The following PRAG1 variants were observed in gnomAD, a reference collection of about 807,000 sequenced individuals.
PRAG1 encodes the protein inactive tyrosine-protein kinase PRAG1.
PRAG1 carries 110 observed loss-of-function variants against 95.6 expected under a neutral mutation model. That is an observed-to-expected ratio of 1.15 (90% CI 0.99 to 1.35). PRAG1 has a LOEUF of 1.35. Among genes scored for constraint, PRAG1 ranks in the 40% most tolerant of loss-of-function variants. The pLI, the probability that PRAG1 is intolerant of heterozygous loss-of-function variation, is 0.00. For synonymous variants in PRAG1, 1,052 were observed against 819.4 expected (o/e 1.28, Z -4.85); for missense variants, 2,554 against 1,864.7 (o/e 1.37, Z -6.81).
chr8:8,347,712 G>A (rs192572005), intron 3 of PRAG1, among the ~76,000 whole-genome samples: 1 of 152,274 alleles, frequency 6.6e-6, no homozygotes, highest in East Asian at 1.9e-4. Context: ...AGGTGTTGGG[G>A]ATACAATGGT....
chr8:8,353,927 G>C (rs1211326012), intron 3 of PRAG1, among the ~76,000 whole-genome samples: 1 of 150,852 alleles, frequency 6.6e-6, no homozygotes, highest in Admixed American at 6.6e-5. Flanking sequence ...AAATAATAAA[G>C]ATTAGAACAA....
At chr8:8,327,642 G>A (rs1798672794) in intron 5 of PRAG1, 68 bp downstream of exon 5, 1 of 1,524,644 alleles carries the variant, frequency 6.6e-7, no homozygotes, top group East Asian at 2.3e-5. Flanking sequence ...ACTTGCTCAG[G>A]CCACAGTTCT....
intron 1 of PRAG1, among the ~76,000 whole-genome samples, chr8:8,383,884 AG>A (rs1800763706): frequency 6.6e-6 from 1 of 152,068 alleles, no homozygotes; most frequent in East Asian, 1.9e-4. Flanking sequence ...AAGTTTTGGG[AG>A]GGGGAAAAAG....
chr8:8,328,383 G>T lies in PRAG1; in HGVS notation c.2399C>A (p.Ser800Tyr). 6.2e-7 allele frequency: 1 copy of T among 1,613,728 alleles called. No individual in the cohort carries two copies. Among genetic ancestry groups the T allele is most frequent in the Non-Finnish European group, 8.5e-7 (1 of 1,179,970 alleles). Residue 800 changes from serine to tyrosine, a missense_variant, in exon 5 of 6, where the codon TCC becomes TAC. Coordinates refer to ENST00000615670, the MANE Select transcript of PRAG1 (RefSeq NM_001080826.3). Reference sequence around the variant, plus strand: ...GCCACTGGGGGACACGTCCTCAGTGGAGCCTGAAGGAAACGGAACGGGAGC... The same window carrying T: ...GCCACTGGGGGACACGTCCTCAGTGTAGCCTGAAGGAAACGGAACGGGAGC... ...LFAPVPFPSGSTEDVSPSGPQ... is the reference protein window; with the variant it reads ...LFAPVPFPSGYTEDVSPSGPQ...
chr8:8,364,923 TG>T (rs1466961936), intron 3 of PRAG1, among the ~76,000 whole-genome samples: 1 of 152,166 alleles, frequency 6.6e-6, no homozygotes, highest in East Asian at 1.9e-4. Context: ...TGAGAGTGTT[TG>T]GGATCAAGGG....
intron 3 of PRAG1, among the ~76,000 whole-genome samples, chr8:8,362,988 G>A (rs1338986301): frequency 1.3e-5 from 2 of 151,544 alleles, no homozygotes; most frequent in African/African-American, 4.8e-5. Context: ...GACATGCCTG[G>A]GCATGCTGAG....
chr8:8,355,513 C>T (rs1220848263), intron 3 of PRAG1, among the ~76,000 whole-genome samples: 4 of 151,928 alleles, frequency 2.6e-5, no homozygotes, highest in South Asian at 2.1e-4. Context: ...TCATACGTCC[C>T]GATTTTAAAT....
At chr8:8,331,316 T>C (rs983154451) in intron 4 of PRAG1, among the ~76,000 whole-genome samples, 1 of 152,200 alleles carries the variant, frequency 6.6e-6, no homozygotes, top group Non-Finnish European at 1.5e-5. Context: ...GCCACCAGTA[T>C]GCCCCTTTCT....
intron 3 of PRAG1, among the ~76,000 whole-genome samples, chr8:8,342,004 G>A (rs771939691): frequency 1.1e-4 from 17 of 151,850 alleles, no homozygotes; most frequent in South Asian, 4.1e-4. Context: ...AGTGGCCTGC[G>A]CCTGTAATCC....
chr8:8,373,676 G>T (rs2945851), intron 3 of PRAG1, among the ~76,000 whole-genome samples: 1 of 151,860 alleles, frequency 6.6e-6, no homozygotes, highest in Admixed American at 6.5e-5. Context: ...TGGTCTCAAA[G>T]TCCTGGGCTC....
At chr8:8,383,583 A>G (rs927768431) in intron 1 of PRAG1, among the ~76,000 whole-genome samples, 19 of 152,138 alleles carry the variant, frequency 1.2e-4, no homozygotes, top group African/African-American at 4.6e-4. Flanking sequence ...CCCTGTCTAA[A>G]AAAACAAAAA....
intron 3 of PRAG1, among the ~76,000 whole-genome samples, chr8:8,347,019 A>T (rs1799365798): frequency 6.6e-6 from 1 of 152,264 alleles, no homozygotes; most frequent in Admixed American, 6.5e-5. Flanking sequence ...GTTTTAGAGC[A>T]TCAAATAAAT....
In PRAG1 at chr8:8,378,043, G is replaced by A. The variant is rs774695121; in HGVS notation, c.366C>T (p.Leu122=). 6.4e-7 allele frequency: 1 copy of A among 1,555,020 alleles called. No homozygotes were observed. The highest frequency in any genetic ancestry group is 1.9e-5 in the Admixed American group (1 of 52,488). The part of the protein sequence containing the change: ...IWRRAPGKLP[L]PKQEDAPVVY... Reference sequence around the variant, plus strand: ...CGACGGGGGCATCCTCCTGCTTCGGGAGGGGGAGCTTGCCAGGGGCTCGTC... The same window carrying A: ...CGACGGGGGCATCCTCCTGCTTCGGAAGGGGGAGCTTGCCAGGGGCTCGTC... Residue 122 remains leucine, a synonymous_variant, in exon 3 of 6, where the codon CTC becomes CTT. Coordinates refer to ENST00000615670, the MANE Select transcript of PRAG1 (RefSeq NM_001080826.3).
chr8:8,371,768 G>C (rs1428267082), intron 3 of PRAG1, among the ~76,000 whole-genome samples: 3 of 152,142 alleles, frequency 2.0e-5, no homozygotes, highest in Non-Finnish European at 4.4e-5. Flanking sequence ...TACTCAGGAG[G>C]CTGGGGTGAG....
chr8:8,378,852 C>T (rs2976961), intron 2 of PRAG1, among the ~76,000 whole-genome samples: 86,168 of 150,388 alleles, frequency 0.57, 25,637 homozygotes, highest in East Asian at 0.77. Flanking sequence ...AATGCCAGAC[C>T]CTGTACCAAA....
rs113650117 is a variant in PRAG1, at chr8:8,359,552, T to C, written c.2162+16695A>G. On this transcript the variant is annotated intron_variant, in intron 3 of 5. Transcript: ENST00000615670. ...CACTAATCAGTATGACCCGTCTGATTACTTGACTGGTAAAATTGGAGTATT... is the reference window on the plus strand; with the variant it reads ...CACTAATCAGTATGACCCGTCTGATCACTTGACTGGTAAAATTGGAGTATT... Among the ~76,000 whole-genome samples the C allele has an allele frequency of 2.4e-3, 362 of 152,344 alleles. 2 individuals carry two copies. The highest frequency in any genetic ancestry group is 7.9e-3 in the African/African-American group (329 of 41,582).
chr8:8,349,123 T>C (rs971732519), intron 3 of PRAG1, among the ~76,000 whole-genome samples: 3 of 152,190 alleles, frequency 2.0e-5, no homozygotes, highest in Admixed American at 6.5e-5. Flanking sequence ...TTGTGGTTTT[T>C]GCCATTAGTA....
intron 3 of PRAG1, among the ~76,000 whole-genome samples, chr8:8,344,441 C>A (rs1237598841): frequency 1.3e-4 from 20 of 152,062 alleles, no homozygotes; most frequent in Non-Finnish European, 1.3e-4. Flanking sequence ...ACATGTTTTA[C>A]GGAGCACATA....
rs1458126754 is a variant in PRAG1, at chr8:8,376,593, T to TAGCGACACCGTTGGTCCGGCAGG, written c.1793_1815dup (p.Ile606ProfsTer42). 6.2e-7 allele frequency: 1 copy of TAGCGACACCGTTGGTCCGGCAGG among 1,604,922 alleles called. No homozygotes were observed. The stretch of plus-strand genomic sequence containing the variant: ...TGGGGACACCTGGATGGGTCACTGA[T>TAGCGACACCGTTGGTCCGGCAGG]AGCGACACCGTTGGTCCGGCAGGAA... On this transcript the variant is annotated frameshift_variant, in exon 3 of 6. Coordinates refer to ENST00000615670, the MANE Select transcript of PRAG1 (RefSeq NM_001080826.3). LOFTEE classifies it high-confidence loss of function.
Sources: gnomAD v4.1 joint callset for allele counts (sites outside exome capture counted in the v4.1 genomes callset) on GRCh38, gnomAD v4.1.1 for gene constraint, MANE v1.5 for transcripts, NCBI Gene and HGNC (gene_info 2026-07-23, HGNC 2026-07-21) for gene names.